PCDHGB3: variants seen among roughly 807,000 people sequenced by gnomAD.
PCDHGB3 encodes the protein protocadherin gamma-B3.
Under a neutral mutation model 59.2 loss-of-function variants are expected in PCDHGB3, and 40 were observed. The ratio of observed to expected loss-of-function variants is 0.68; its 90% CI spans 0.52 to 0.88. PCDHGB3 has a LOEUF of 0.88. Among genes scored for constraint, PCDHGB3 ranks in the 40% least tolerant of loss-of-function variants. The probability of loss-of-function intolerance (pLI) is 0.00; values close to 1 mark genes in which losing one functional copy is unlikely to be tolerated. For synonymous variants in PCDHGB3, 581 were observed against 503.6 expected (o/e 1.15, Z -2.06); for missense variants, 1,309 against 1,187.9 (o/e 1.10, Z -1.50).
chr5:141,397,223 TATG>T lies in PCDHGB3; in HGVS notation c.2415+24416_2415+24418del, dbSNP rs543267212. ...ATGACATAAGAGAAGTATTTTGAGA[TATG>T]AAGAAGAGCAACGTAGTAGGGTATA... is the stretch of plus-strand genomic sequence containing the variant. On this transcript the variant is annotated intron_variant, in intron 1 of 3. Coordinates refer to ENST00000576222, the MANE Select transcript of PCDHGB3 (RefSeq NM_018924.5). Among the ~76,000 whole-genome samples, 432 of 152,304 alleles carry T rather than the reference TATG, an allele frequency of 2.8e-3. 2 individuals carry two copies. Among genetic ancestry groups the T allele is most frequent in the Admixed American group, 9.4e-3 (144 of 15,310 alleles).
At chr5:141,394,186 C>T (rs1412149852) in intron 1 of PCDHGB3, 7 of 1,613,792 alleles carry the variant, frequency 4.3e-6, no homozygotes, top group South Asian at 1.1e-5. Context: ...GCCTCCTACT[C>T]AGCGTATATC....
At chr5:141,383,051 A>T in intron 1 of PCDHGB3, 2 of 1,613,872 alleles carry the variant, frequency 1.2e-6, no homozygotes, top group Non-Finnish European at 1.7e-6. Context: ...ATCGCCAAGG[A>T]CCTGGGGCTG....
chr5:141,415,772 T>TC, intron 1 of PCDHGB3: 1 of 1,332,986 alleles, frequency 7.5e-7, no homozygotes. Context: ...TTTTTTTTTT[T>TC]ACTTTCTGGT....
intron 1 of PCDHGB3, chr5:141,427,752 G>A (rs1171502843): frequency 4.5e-6 from 6 of 1,319,552 alleles, no homozygotes; most frequent in South Asian, 1.2e-5. Context: ...CTACTCCATC[G>A]TTACCACTGA....
intron 1 of PCDHGB3, among the ~76,000 whole-genome samples, chr5:141,494,328 G>T (rs1595238527): frequency 6.6e-6 from 1 of 152,200 alleles, no homozygotes; most frequent in Non-Finnish European, 1.5e-5. Flanking sequence ...CACCAAAAGG[G>T]TTACCAAGAA....
chr5:141,481,257 A>T (rs2099534664), intron 1 of PCDHGB3, among the ~76,000 whole-genome samples: 1 of 152,172 alleles, frequency 6.6e-6, no homozygotes, highest in African/African-American at 2.4e-5. Context: ...GCTCTAAAAG[A>T]TCACTGTAGG....
In PCDHGB3 at chr5:141,487,259, T is replaced by A. The variant is rs2099641960; in HGVS notation, c.2416-7548T>A. 1.9e-6 allele frequency: 3 copies of A among 1,614,014 alleles called. No individual in the cohort carries two copies. The highest frequency in any genetic ancestry group is 1.3e-5 in the African/African-American group (1 of 74,926). ...TCGTCTAACCCTCTACTTGGCTGTGTCCCTAGTGGCAATTTGCTTTGTCTC... is the reference window on the plus strand; with the variant it reads ...TCGTCTAACCCTCTACTTGGCTGTGACCCTAGTGGCAATTTGCTTTGTCTC... On this transcript the variant is annotated intron_variant, in intron 1 of 3. Coordinates refer to ENST00000576222, the MANE Select transcript of PCDHGB3 (RefSeq NM_018924.5). The surrounding 1 kb of genome is among the most constrained non-coding windows in gnomAD (Gnocchi z 5.0).
At position 141,477,137 on chromosome 5, in the gene PCDHGB3, G is replaced by A; in HGVS notation, c.2416-17670G>A. 1 of 1,614,200 alleles carries A rather than the reference G, an allele frequency of 6.2e-7. No individual in the cohort carries two copies. The highest frequency in any genetic ancestry group is 8.5e-7 in the Non-Finnish European group (1 of 1,180,050). On this transcript the variant is annotated intron_variant, in intron 1 of 3. Coordinates refer to ENST00000576222, the MANE Select transcript of PCDHGB3 (RefSeq NM_018924.5). The surrounding 1 kb of genome is among the most constrained non-coding windows in gnomAD (Gnocchi z 4.9). ...AGGAGCACATTGCAAAGTGTTGGTG[G>A]AGGTTGTGGATGTGAATGACAACGC...
chr5:141,455,787 C>T (rs1259121501), intron 1 of PCDHGB3, among the ~76,000 whole-genome samples: 2 of 152,004 alleles, frequency 1.3e-5, no homozygotes, highest in Non-Finnish European at 2.9e-5. Flanking sequence ...GAAACTTTTC[C>T]GGAGATGCTT....
intron 1 of PCDHGB3, among the ~76,000 whole-genome samples, chr5:141,449,042 A>G (rs1211970675): frequency 6.6e-6 from 1 of 152,186 alleles, no homozygotes; most frequent in Non-Finnish European, 1.5e-5. Context: ...ATTATTAACC[A>G]GTCTCATAAA....
At chr5:141,376,483 G>T (rs139873493) in intron 1 of PCDHGB3, 17,785 of 1,614,172 alleles carry the variant, frequency 0.011, 127 homozygotes, top group Non-Finnish European at 0.012. Context: ...TACTTGAAAC[G>T]AAAGGAGAAC....
At chr5:141,403,010 C>G in intron 1 of PCDHGB3, 1 of 1,614,058 alleles carries the variant, frequency 6.2e-7, no homozygotes, top group Non-Finnish European at 8.5e-7. Flanking sequence ...ATGCTCGCTC[C>G]TGGGGATGCT....
Position 141,389,832 on chromosome 5 carries a change from C to T in PCDHGB3, c.2415+17023C>T, listed in dbSNP as rs758113562. ...GGTCGCCGTGCGTGACGGTGGACAG[C>T]CACCACTCTCGGCCACTGCCACGTT... On this transcript the variant is annotated intron_variant, in intron 1 of 3. Coordinates refer to ENST00000576222, the MANE Select transcript of PCDHGB3 (RefSeq NM_018924.5). The T allele has an allele frequency of 2.2e-5, 36 of 1,613,848 alleles. 1 individual carries two copies. The South Asian group carries it at 3.8e-4, about 17-fold the overall frequency.
intron 1 of PCDHGB3, chr5:141,413,430 C>T (rs745782366): frequency 6.2e-7 from 1 of 1,614,078 alleles, no homozygotes; most frequent in Admixed American, 1.7e-5. Context: ...ACCCGCGCAG[C>T]GGCAGCTTGA....
chr5:141,380,340 TG>T (rs1383873697), intron 1 of PCDHGB3, among the ~76,000 whole-genome samples: 2 of 152,164 alleles, frequency 1.3e-5, no homozygotes, highest in Non-Finnish European at 2.9e-5. Flanking sequence ...TTCAAAGAAC[TG>T]TTTTGTTGTT....
chr5:141,394,136 C>G, intron 1 of PCDHGB3: 1 of 1,613,956 alleles, frequency 6.2e-7, no homozygotes, highest in Non-Finnish European at 8.5e-7. Flanking sequence ...TCGCTCTGCA[C>G]GTGGCAGACA....
chr5:141,447,023 G>GTTT, intron 1 of PCDHGB3, among the ~76,000 whole-genome samples: 1 of 151,542 alleles, frequency 6.6e-6, no homozygotes, highest in African/African-American at 2.4e-5. Context: ...GTTTTGTTTT[G>GTTT]TTTTTTTTCT....
intron 1 of PCDHGB3, among the ~76,000 whole-genome samples, chr5:141,457,745 G>T (rs1039982528): frequency 6.6e-6 from 1 of 152,232 alleles, no homozygotes; most frequent in Non-Finnish European, 1.5e-5. Flanking sequence ...TTTTAAAGCT[G>T]AGCCCAGACA....
chr5:141,470,828 C>A (rs1328067769), intron 1 of PCDHGB3, among the ~76,000 whole-genome samples: 1 of 151,994 alleles, frequency 6.6e-6, no homozygotes, highest in Non-Finnish European at 1.5e-5. Flanking sequence ...GTTAGGACGA[C>A]AAACACACGC....
Sources: allele counts gnomAD v4.1 joint callset (sites outside exome capture counted in the v4.1 genomes callset), GRCh38; gene constraint gnomAD v4.1.1; non-coding constraint Gnocchi (gnomAD v3.1); transcripts MANE v1.5; gene names NCBI Gene and HGNC (gene_info 2026-07-23, HGNC 2026-07-21).